Variants in CROCC2 observed in about 807,000 individuals in gnomAD.
The protein encoded by CROCC2 is ciliary rootlet coiled-coil protein 2.
A neutral mutation model predicts 177.6 loss-of-function variants in CROCC2; 163 were observed. That is an observed-to-expected ratio of 0.92 (90% CI 0.81 to 1.05). CROCC2 has a LOEUF of 1.05. Among genes scored for constraint, CROCC2 ranks in the 50% least tolerant of loss-of-function variants. The probability of loss-of-function intolerance (pLI) is 0.00; values close to 1 mark genes in which losing one functional copy is unlikely to be tolerated. For missense variants in CROCC2, 1,929 were observed against 1,797.8 expected, an observed-to-expected ratio of 1.07 and a Z score of -1.32; for synonymous variants, 904 against 787.3, an observed-to-expected ratio of 1.15 and a Z score of -2.48.
chr2:240,959,424 C>CGG lies in CROCC2; in HGVS notation c.3070_3071dup (p.Asp1025AlafsTer14), dbSNP rs1574778027. The CGG allele has an allele frequency of 1.3e-6, 2 of 1,550,272 alleles. No individual in the cohort carries two copies. The highest frequency in any genetic ancestry group is 4.9e-5 in the East Asian group (2 of 40,910). ...GAGCCTCCAGGACCTAGCGGCTGAG[C>CGG]GGGGCGATGTGGAGAGAGAGGTGAG... On this transcript the variant is annotated frameshift_variant, in exon 20 of 32. Coordinates refer to ENST00000690015, the MANE Select transcript of CROCC2 (RefSeq NM_001351305.2). LOFTEE classifies it high-confidence loss of function.
chr2:240,952,438 C>G (rs1221684706), intron 18 of CROCC2, among the ~76,000 whole-genome samples: 1 of 152,120 alleles, frequency 6.6e-6, no homozygotes, highest in Admixed American at 6.5e-5. Context: ...GGCACATGCT[C>G]TAATTATCCC....
rs2059730951 is a variant in CROCC2, at chr2:240,972,813, T to C, written c.4401+4551T>C. On this transcript the variant is annotated intron_variant, in intron 27 of 31. Coordinates refer to ENST00000690015, the MANE Select transcript of CROCC2 (RefSeq NM_001351305.2). The surrounding 1 kb of genome is among the most constrained non-coding windows in gnomAD (Gnocchi z 7.1). Reference sequence around the variant, plus strand: ...CCCTGGTCTCCAGCTCTGAGGAAAGTTTTTCCCAACTTTTTGTAATCTATG... The same window carrying C: ...CCCTGGTCTCCAGCTCTGAGGAAAGCTTTTCCCAACTTTTTGTAATCTATG... Among the ~76,000 whole-genome samples, 1 of 152,034 alleles carries C rather than the reference T, an allele frequency of 6.6e-6. No homozygotes were observed. The highest frequency in any genetic ancestry group is 2.1e-4 in the South Asian group (1 of 4,814).
intron 30 of CROCC2, 135 bp from the exon 31 acceptor site, chr2:240,991,061 G>T: frequency 5.2e-6 from 3 of 576,474 alleles, no homozygotes; most frequent in Admixed American, 3.6e-5. Context: ...TCTGTCCCAT[G>T]CATGCCACCT....
At chr2:240,932,451 G>T in intron 8 of CROCC2, 37 bp downstream of exon 8, 2 of 717,262 alleles carry the variant, frequency 2.8e-6, no homozygotes, top group Non-Finnish European at 5.2e-6. Context: ...TGTGGCAGGG[G>T]TCTGTCACCC....
At chr2:240,946,492 T>C (rs1230988713) in intron 15 of CROCC2, among the ~76,000 whole-genome samples, 1 of 152,176 alleles carries the variant, frequency 6.6e-6, no homozygotes, top group Non-Finnish European at 1.5e-5. Flanking sequence ...TGGTGGCAAG[T>C]GCAGAAACAC....
rs1339534590 is a variant in CROCC2, at chr2:240,968,269, C to T, written c.4401+7C>T. ...GGAGAAGCGGCGGCTGCAGGTGGGGCAGGCGGCAGGGTGGGTCCCAGGTGG... is the reference window on the plus strand; with the variant it reads ...GGAGAAGCGGCGGCTGCAGGTGGGGTAGGCGGCAGGGTGGGTCCCAGGTGG... On this transcript the variant is annotated splice_region_variant and intron_variant, in intron 27 of 31. Transcript: ENST00000690015. 6.6e-7 allele frequency: 1 copy of T among 1,524,768 alleles called. No individual in the cohort carries two copies. The highest frequency in any genetic ancestry group is 8.8e-7 in the Non-Finnish European group (1 of 1,141,580). The allele number at this position is 1,524,768 out of a possible 1,614,324, so 94.5% of individuals were successfully genotyped here. A position where few individuals can be genotyped will look rare whatever the true frequency, so the allele number is the denominator to read the frequency against.
rs1482602613 is a variant in CROCC2 at position 240,949,733 on chromosome 2, C to T, written c.2652+31C>T. On this transcript the variant is annotated intron_variant, in intron 17 of 31. Transcript: ENST00000690015. The surrounding 1 kb of genome is among the most constrained non-coding windows in gnomAD (Gnocchi z 4.5). ...CTTCCCAGGAGCCCACCAGTAGCTT[C>T]CTAGAAGGCTACCAGGTCCCGGGGA... is the stretch of plus-strand genomic sequence containing the variant. 2.6e-6 allele frequency: 4 copies of T among 1,516,540 alleles called. No homozygotes were observed. The highest frequency in any genetic ancestry group is 1.2e-5 in the South Asian group (1 of 82,328). 93.9% of individuals were successfully genotyped at this position (1,516,540 alleles called of 1,614,324 possible).
At chr2:240,969,112 G>C (rs1297585283) in intron 27 of CROCC2, among the ~76,000 whole-genome samples, 1 of 152,254 alleles carries the variant, frequency 6.6e-6, no homozygotes, top group Non-Finnish European at 1.5e-5. Context: ...GGCCAGCACA[G>C]TGCAGAGGAG....
intron 27 of CROCC2, among the ~76,000 whole-genome samples, chr2:240,974,079 T>C (rs1422640007): frequency 1.3e-5 from 2 of 152,208 alleles, no homozygotes; most frequent in Admixed American, 6.5e-5. Flanking sequence ...TGCACATACG[T>C]CTGCTTAGCA....
chr2:240,923,268 C>A (rs985126642), intron 4 of CROCC2, among the ~76,000 whole-genome samples: 1 of 123,446 alleles, frequency 8.1e-6, no homozygotes, highest in Non-Finnish European at 1.5e-5. Flanking sequence ...GGGACAGAGC[C>A]CCCCCCGCCA....
rs2059628938 is a variant in CROCC2 at position 240,960,994 on chromosome 2, T to C, written c.3087+1550T>C. ...GGCCTCAAGGAAGGGAGTGCAGGCC[T>C]CATGGGAAGGTCAGGCTCTCAGAGG... On this transcript the variant is annotated intron_variant, in intron 20 of 31. Coordinates refer to ENST00000690015, the MANE Select transcript of CROCC2 (RefSeq NM_001351305.2). The surrounding 1 kb of genome is among the most constrained non-coding windows in gnomAD (Gnocchi z 5.0). Among the ~76,000 whole-genome samples the C allele has an allele frequency of 6.6e-6, 1 of 150,734 alleles. No individual in the cohort carries two copies. The highest frequency in any genetic ancestry group is 1.5e-5 in the Non-Finnish European group (1 of 67,746).
intron 14 of CROCC2, among the ~76,000 whole-genome samples, chr2:240,937,368 T>C (rs755316002): frequency 3.9e-5 from 6 of 152,224 alleles, no homozygotes; most frequent in Non-Finnish European, 5.9e-5. Context: ...TAAACTGGGC[T>C]TTTGCATTTT....
intron 13 of CROCC2, 46 bp from the exon 14 acceptor site, chr2:240,935,312 C>T (rs192596738): frequency 9.9e-5 from 131 of 1,324,522 alleles, no homozygotes; most frequent in East Asian, 4.8e-4. Flanking sequence ...CTACAGGGAC[C>T]GAGGATGGGG....
intron 27 of CROCC2, among the ~76,000 whole-genome samples, chr2:240,975,357 G>A (rs1445291925): frequency 6.6e-6 from 1 of 152,326 alleles, no homozygotes; most frequent in Non-Finnish European, 1.5e-5. Context: ...CCTTGTATCT[G>A]AGGACTGTCC....
chr2:240,967,240 G>A, intron 25 of CROCC2, 105 bp from the exon 26 acceptor site: 1 of 517,046 alleles, frequency 1.9e-6, no homozygotes, highest in Non-Finnish European at 3.5e-6. Context: ...CACACCTGCA[G>A]GCCAGACCGT....
intron 19 of CROCC2, among the ~76,000 whole-genome samples, chr2:240,956,181 C>G (rs1369976061): frequency 6.6e-6 from 1 of 152,254 alleles, no homozygotes; most frequent in Non-Finnish European, 1.5e-5. Flanking sequence ...CAGTGGGTAC[C>G]AGGACTTTTC....
At chr2:240,950,101 T>C (rs2059544678) in intron 17 of CROCC2, among the ~76,000 whole-genome samples, 1 of 152,168 alleles carries the variant, frequency 6.6e-6, no homozygotes, top group African/African-American at 2.4e-5. Flanking sequence ...GACTCAGGAA[T>C]GGTTTACAAA....
chr2:240,993,243 T>TG lies in CROCC2; in HGVS notation c.*166dup. ...GGACCCTCCTTGCCCTGGCTGCTCATGGGGAACATTTGAAATGCATGTGGG... is the reference window on the plus strand; with the variant it reads ...GGACCCTCCTTGCCCTGGCTGCTCATGGGGGAACATTTGAAATGCATGTGGG... On this transcript the variant is annotated 3_prime_UTR_variant, in exon 32 of 32. Transcript: ENST00000690015. The TG allele has an allele frequency of 1.8e-6, 1 of 565,734 alleles. No homozygotes were observed. The highest frequency in any genetic ancestry group is 3.2e-6 in the Non-Finnish European group (1 of 308,298). The allele number at this position is 565,734 out of a possible 1,614,324, so 35.0% of individuals were successfully genotyped here.
Position 240,949,591 on chromosome 2 carries a change from C to T in CROCC2, c.2541C>T (p.Asp847=). Residue 847 remains aspartate (D), a synonymous_variant, in exon 17 of 32, where the codon GAC becomes GAT. Coordinates refer to ENST00000690015, the MANE Select transcript of CROCC2 (RefSeq NM_001351305.2). This position sits in a 1 kb window ranked among gnomAD's most constrained non-coding sequence, Gnocchi z 4.5. ...WEVQEMKLRQ[D]TVRLQRQVAQ... is the part of the protein sequence containing the mutation. ...TCCAGGAAATGAAGCTGCGGCAGGA[C>T]ACGGTGCGGCTCCAGCGACAGGTGG... The T allele has an allele frequency of 6.4e-7, 1 of 1,550,566 alleles. No individual in the cohort carries two copies. Among genetic ancestry groups the T allele is most frequent in the Non-Finnish European group, 8.7e-7 (1 of 1,146,968 alleles).
Sources: gnomAD v4.1 joint callset for allele counts (sites outside exome capture counted in the v4.1 genomes callset) on GRCh38, gnomAD v4.1.1 for gene constraint, Gnocchi (gnomAD v3.1) non-coding constraint, MANE v1.5 for transcripts, NCBI Gene and HGNC (gene_info 2026-07-23, HGNC 2026-07-21) for gene names.